Variants in HMGCLL1 observed in about 807,000 individuals in gnomAD.
The protein encoded by HMGCLL1 is 3-hydroxy-3-methylglutaryl-CoA lyase like 1.
A neutral mutation model predicts 39.1 loss-of-function variants in HMGCLL1; 36 were observed. That is an observed-to-expected ratio of 0.92 (90% CI 0.71 to 1.22). The LOEUF (loss-of-function observed/expected upper bound fraction) is 1.22. Among genes scored for constraint, HMGCLL1 ranks in the 50% most tolerant of loss-of-function variants. The pLI is 0.00. For missense variants in HMGCLL1, 451 were observed against 416.5 expected (o/e 1.08, Z -0.72); for synonymous variants, 149 against 144.0 (o/e 1.03, Z -0.25).
At chr6:55,651,307 G>T in the HMGCLL1 span, among the ~76,000 whole-genome samples, 2 of 151,998 alleles carry the variant, frequency 1.3e-5, no homozygotes, top group Non-Finnish European at 2.9e-5. Context: ...CTCCAGTAGT[G>T]GTGGCCACAG....
the HMGCLL1 span, among the ~76,000 whole-genome samples, chr6:55,609,794 C>T: frequency 2.0e-5 from 3 of 152,086 alleles, no homozygotes; most frequent in African/African-American, 7.2e-5. Context: ...TGTCGGTGCC[C>T]CTTGAGGTCA....
intron 3 of HMGCLL1, among the ~76,000 whole-genome samples, chr6:55,533,475 A>G (rs1201670263): frequency 6.6e-6 from 1 of 152,194 alleles, no homozygotes; most frequent in Non-Finnish European, 1.5e-5. Context: ...GTACATTGAT[A>G]TTTTGCTCTG....
At chr6:55,475,893 G>T (rs1486627538) in intron 7 of HMGCLL1, among the ~76,000 whole-genome samples, 1 of 151,486 alleles carries the variant, frequency 6.6e-6, no homozygotes, top group Middle Eastern at 3.2e-3. Flanking sequence ...CACAAATCAG[G>T]TGACTGTATA....
At chr6:55,602,758 A>G in the HMGCLL1 span, among the ~76,000 whole-genome samples, 1 of 152,092 alleles carries the variant, frequency 6.6e-6, no homozygotes, top group Admixed American at 6.6e-5. Flanking sequence ...ATCACCATGT[A>G]TTGAAACCAA....
intron 1 of HMGCLL1, among the ~76,000 whole-genome samples, chr6:55,578,715 C>T (rs1771878603): frequency 1.3e-5 from 2 of 152,224 alleles, no homozygotes; most frequent in African/African-American, 4.8e-5. Flanking sequence ...CAAATGGTCA[C>T]AGGCAGGGAT....
chr6:55,619,280 T>A, the HMGCLL1 span, among the ~76,000 whole-genome samples: 3 of 151,978 alleles, frequency 2.0e-5, no homozygotes, highest in Non-Finnish European at 4.4e-5. Flanking sequence ...TGAAAAAAAA[T>A]TATATAAAAA....
the HMGCLL1 span, among the ~76,000 whole-genome samples, chr6:55,611,249 G>A: frequency 1.3e-5 from 2 of 152,160 alleles, no homozygotes; most frequent in African/African-American, 4.8e-5. Context: ...TCTCTGGAAT[G>A]CAGTTAGAAC....
intron 1 of HMGCLL1, among the ~76,000 whole-genome samples, chr6:55,576,385 A>C (rs1457768738): frequency 1.3e-5 from 2 of 152,206 alleles, no homozygotes; most frequent in Non-Finnish European, 2.9e-5. Flanking sequence ...AAGAACAAAA[A>C]AGAATAGCTT....
chr6:55,503,350 AT>A (rs1766991873), intron 5 of HMGCLL1, among the ~76,000 whole-genome samples: 1 of 151,734 alleles, frequency 6.6e-6, no homozygotes, highest in African/African-American at 2.4e-5. Flanking sequence ...AGAACATTGA[AT>A]TTTTTCCCAT....
intron 1 of HMGCLL1, among the ~76,000 whole-genome samples, chr6:55,542,965 A>C (rs1199389724): frequency 8.6e-6 from 1 of 116,368 alleles, no homozygotes; most frequent in Non-Finnish European, 1.6e-5. Context: ...AATAATATAT[A>C]ATATATATTA....
chr6:55,618,847 G>A, the HMGCLL1 span, among the ~76,000 whole-genome samples: 1 of 151,978 alleles, frequency 6.6e-6, no homozygotes, highest in South Asian at 2.1e-4. Flanking sequence ...ATTCTAAAAG[G>A]AAATGATTCT....
rs1244091013 is a variant in HMGCLL1, at chr6:55,477,265, T to C, written c.795+18154A>G. On this transcript the variant is annotated intron_variant, in intron 7 of 8. Transcript: ENST00000274901. ...TTTATATAATATATAATATATATTA[T>C]ATAATATATATTATATATTATATAT... Among the ~76,000 whole-genome samples the C allele has an allele frequency of 9.4e-5, 2 of 21,334 alleles. 1 individual carries two copies. Among genetic ancestry groups the C allele is most frequent in the African/African-American group, 9.6e-4 (2 of 2,092 alleles). 14.0% of individuals were successfully genotyped at this position (21,334 alleles called of 152,430 possible).
chr6:55,577,079 CA>C, intron 1 of HMGCLL1: 1 of 1,612,622 alleles, frequency 6.2e-7, no homozygotes, highest in Non-Finnish European at 8.5e-7. Flanking sequence ...GATATTTACC[CA>C]GTGGATACAA....
At chr6:55,610,911 C>T in the HMGCLL1 span, among the ~76,000 whole-genome samples, 1 of 152,076 alleles carries the variant, frequency 6.6e-6, no homozygotes, top group Admixed American at 6.6e-5. Context: ...ATTTTTCAAC[C>T]CAGAATTTCA....
At chr6:55,595,336 A>G in the HMGCLL1 span, among the ~76,000 whole-genome samples, 1 of 152,234 alleles carries the variant, frequency 6.6e-6, no homozygotes, top group South Asian at 2.1e-4. Flanking sequence ...TTACATTTCA[A>G]GAGTTTTTGT....
intron 5 of HMGCLL1, among the ~76,000 whole-genome samples, chr6:55,508,765 A>G (rs1388970470): frequency 6.6e-6 from 1 of 151,918 alleles, no homozygotes; most frequent in African/African-American, 2.4e-5. Flanking sequence ...AACATATACC[A>G]TTCAACCACA....
In HMGCLL1 at chr6:55,578,990, G is replaced by T. The variant is rs1211312684; in HGVS notation, c.66C>A (p.Leu22=). ...CCCCTGCCACTGAATCCCCGATCCA[G>T]AGATGCTCCCGGAGAAGCTGCTGGT... ...LSYQQLLREH[L]WIGDSVAGAL... Residue 22 remains leucine (L), a synonymous_variant, in exon 1 of 9, where the codon CTC becomes CTA. Coordinates refer to ENST00000274901, the MANE Select transcript of HMGCLL1 (RefSeq NM_001042406.2). 1.2e-6 allele frequency: 2 copies of T among 1,613,808 alleles called. No individual in the cohort carries two copies. The highest frequency in any genetic ancestry group is 1.7e-6 in the Non-Finnish European group (2 of 1,179,896).
chr6:55,641,191 T>C, the HMGCLL1 span, among the ~76,000 whole-genome samples: 6 of 151,798 alleles, frequency 4.0e-5, no homozygotes, highest in African/African-American at 1.4e-4. Flanking sequence ...GTATATATTA[T>C]GAGCTATTAT....
the HMGCLL1 span, among the ~76,000 whole-genome samples, chr6:55,631,422 G>A: frequency 6.6e-6 from 1 of 151,840 alleles, no homozygotes; most frequent in East Asian, 1.9e-4. Flanking sequence ...TATAACCCAG[G>A]AACATTTTCC....
Sources: allele counts gnomAD v4.1 joint callset (sites outside exome capture counted in the v4.1 genomes callset), GRCh38; gene constraint gnomAD v4.1.1; transcripts MANE v1.5; gene names NCBI Gene and HGNC (gene_info 2026-07-23, HGNC 2026-07-21).